FILIP1: variants seen among roughly 807,000 people sequenced by gnomAD.
The protein encoded by FILIP1 is filamin-A-interacting protein 1.
Under a neutral mutation model 102.1 loss-of-function variants are expected in FILIP1, and 61 were observed. The observed-to-expected ratio is 0.60, with a 90% CI of 0.49 to 0.74. The LOEUF (loss-of-function observed/expected upper bound fraction) is 0.74, where lower values mean the gene tolerates loss of function less well. FILIP1 is among the 30% of genes least tolerant of loss of function. The probability of loss-of-function intolerance (pLI) is 0.00; values close to 1 mark genes in which losing one functional copy is unlikely to be tolerated. For synonymous variants in FILIP1, 491 were observed against 526.9 expected (o/e 0.93, Z 0.93); for missense variants, 1,314 against 1,441.2 (o/e 0.91, Z 1.43).
At chr6:75,371,676 T>C (rs867407374) in intron 2 of FILIP1, among the ~76,000 whole-genome samples, 3 of 152,178 alleles carry the variant, frequency 2.0e-5, no homozygotes, top group East Asian at 3.9e-4. Context: ...TTTGCATATA[T>C]AGACAAATGA....
chr6:75,357,508 T>C (rs971153396), intron 3 of FILIP1: 1 of 152,234 alleles, frequency 6.6e-6, no homozygotes, highest in African/African-American at 2.4e-5. Context: ...TCACCAACAC[T>C]AGCACAGCTT....
intron 3 of FILIP1, among the ~76,000 whole-genome samples, chr6:75,356,880 A>AT (rs1775021891): frequency 6.6e-6 from 1 of 152,200 alleles, no homozygotes; most frequent in Non-Finnish European, 1.5e-5. Flanking sequence ...TCTACGTGTG[A>AT]TTTTCAACAT....
At chr6:75,462,456 C>G (rs556961678) in intron 1 of FILIP1, among the ~76,000 whole-genome samples, 3 of 152,196 alleles carry the variant, frequency 2.0e-5, no homozygotes, top group South Asian at 4.1e-4. Context: ...CAGATAACAG[C>G]TGTAAAGAAC....
At chr6:75,465,072 C>G (rs925709500) in intron 1 of FILIP1, 9 of 161,700 alleles carry the variant, frequency 5.6e-5, no homozygotes, top group African/African-American at 2.2e-4. Flanking sequence ...GCCTTCTTAA[C>G]ACAGGAGCTA....
At chr6:75,349,396 T>C (rs1021179391) in intron 4 of FILIP1, among the ~76,000 whole-genome samples, 3 of 151,878 alleles carry the variant, frequency 2.0e-5, no homozygotes, top group Non-Finnish European at 4.4e-5. Flanking sequence ...CCGCCTGGAA[T>C]GGAGACAGCC....
chr6:75,424,183 A>G (rs1041420659), intron 1 of FILIP1, among the ~76,000 whole-genome samples: 7 of 152,342 alleles, frequency 4.6e-5, no homozygotes, highest in African/African-American at 1.7e-4. Context: ...TCCATGTGCA[A>G]GAAGTCTGAA....
At chr6:75,375,923 T>C (rs1000497179) in intron 2 of FILIP1, among the ~76,000 whole-genome samples, 1 of 152,200 alleles carries the variant, frequency 6.6e-6, no homozygotes, top group Non-Finnish European at 1.5e-5. Context: ...TTTTGAGGAA[T>C]GTCACACTGT....
At chr6:75,355,536 G>C (rs1047152411) in intron 3 of FILIP1, among the ~76,000 whole-genome samples, 61 of 151,994 alleles carry the variant, frequency 4.0e-4, no homozygotes, top group African/African-American at 1.4e-3. Context: ...CAAGTAGCTG[G>C]AATTACAGGG....
At chr6:75,320,780 G>A (rs900031878) in intron 4 of FILIP1, among the ~76,000 whole-genome samples, 2 of 152,114 alleles carry the variant, frequency 1.3e-5, no homozygotes, top group African/African-American at 2.4e-5. Context: ...CTTGAAGAAC[G>A]TGTCCATTTT....
chr6:75,486,919 T>C lies in FILIP1; in HGVS notation c.-7+6495A>G, dbSNP rs181126472. ...ATTATTATTATTATTACTTATGGAA[T>C]GAGCAGAATGTAGAAGTTGGGGATG... On this transcript the variant is annotated intron_variant, in intron 1 of 5. Transcript: ENST00000237172. Among the ~76,000 whole-genome samples the C allele has an allele frequency of 2.0e-3, 302 of 152,220 alleles. 1 individual carries two copies. The highest frequency in any genetic ancestry group is 3.3e-3 in the Admixed American group (51 of 15,276).
At chr6:75,487,261 T>TC (rs368400768) in intron 1 of FILIP1, among the ~76,000 whole-genome samples, 53 of 152,328 alleles carry the variant, frequency 3.5e-4, no homozygotes, top group African/African-American at 1.2e-3. Context: ...GCAAAACTCT[T>TC]CCTGGCTTGC....
chr6:75,426,499 A>G (rs1456636169), intron 1 of FILIP1, among the ~76,000 whole-genome samples: 3 of 152,122 alleles, frequency 2.0e-5, no homozygotes, highest in African/African-American at 7.2e-5. Context: ...CTAAGTATAC[A>G]GAGGAGATAC....
At chr6:75,430,698 TG>T (rs1364673978) in intron 1 of FILIP1, among the ~76,000 whole-genome samples, 1 of 152,216 alleles carries the variant, frequency 6.6e-6, no homozygotes, top group African/African-American at 2.4e-5. Context: ...CCCAAATTAG[TG>T]GCAGTCTCAT....
intron 1 of FILIP1, among the ~76,000 whole-genome samples, chr6:75,444,725 C>T (rs1778389633): frequency 6.6e-6 from 1 of 152,112 alleles, no homozygotes; most frequent in South Asian, 2.1e-4. Flanking sequence ...GTGTGACTGG[C>T]ACAGATTTAT....
At chr6:75,458,652 T>C (rs1020466908) in intron 1 of FILIP1, 1 of 152,164 alleles carries the variant, frequency 6.6e-6, no homozygotes, top group Admixed American at 6.5e-5. Context: ...AGGGATAACA[T>C]TTTTCTCAAA....
chr6:75,482,886 G>A (rs1382002286), intron 1 of FILIP1, among the ~76,000 whole-genome samples: 1 of 152,150 alleles, frequency 6.6e-6, no homozygotes, highest in Non-Finnish European at 1.5e-5. Context: ...CAGTTATTGA[G>A]TACTTGTTTG....
chr6:75,386,249 G>C (rs1776092388), intron 2 of FILIP1: 2 of 152,180 alleles, frequency 1.3e-5, no homozygotes, highest in Non-Finnish European at 2.9e-5. Flanking sequence ...AAAGCATGGT[G>C]AAGATGACTA....
chr6:75,324,206 C>CA (rs1405260711), intron 4 of FILIP1, among the ~76,000 whole-genome samples: 1 of 152,010 alleles, frequency 6.6e-6, no homozygotes, highest in African/African-American at 2.4e-5. Context: ...TCTCAGGATA[C>CA]AAAATCACTA....
chr6:75,405,464 A>C (rs80253355), intron 2 of FILIP1, among the ~76,000 whole-genome samples: 8 of 152,226 alleles, frequency 5.3e-5, no homozygotes, highest in Non-Finnish European at 1.5e-5. Flanking sequence ...AGAAAAAAAA[A>C]CATAAAGTTT....
Sources: allele counts gnomAD v4.1 joint callset (sites outside exome capture counted in the v4.1 genomes callset), GRCh38; gene constraint gnomAD v4.1.1; transcripts MANE v1.5; gene names NCBI Gene and HGNC (gene_info 2026-07-23, HGNC 2026-07-21).